The following GRSF1 variants were observed in gnomAD, a reference collection of about 807,000 sequenced individuals.
GRSF1 encodes G-rich RNA sequence binding factor 1.
In GRSF1, 50 loss-of-function variants were observed where a neutral mutation model predicts 51.1. The observed-to-expected ratio is 0.98, with a 90% confidence interval of 0.78 to 1.24. The LOEUF (loss-of-function observed/expected upper bound fraction) is 1.24, where lower values mean the gene tolerates loss of function less well. Ranked by LOEUF, GRSF1 falls within the 50% of genes most tolerant of loss-of-function variation. The pLI, the probability that GRSF1 is intolerant of heterozygous loss-of-function variation, is 0.00. For missense variants in GRSF1, 700 were observed against 639.7 expected, an observed-to-expected ratio of 1.09 and a Z score of -1.02; for synonymous variants, 293 against 253.3, an observed-to-expected ratio of 1.16 and a Z score of -1.49.
rs528606367 is a variant in GRSF1, at chr4:70,819,311, C to T, written c.*1576G>A. On this transcript the variant is annotated 3_prime_UTR_variant, in exon 10 of 10. Coordinates refer to ENST00000254799, the MANE Select transcript of GRSF1 (RefSeq NM_002092.4). ...CTAATAGTTCGTACAACTACAGATA[C>T]CAGTTCTCATAGCTTGGCATATTCA... 1 of 152,294 alleles carries T rather than the reference C, an allele frequency of 6.6e-6. No individual in the cohort carries two copies. The highest frequency in any genetic ancestry group is 1.5e-5 in the Non-Finnish European group (1 of 68,030). The allele number at this position is 152,294 out of a possible 1,614,324, so 9.4% of individuals were successfully genotyped here.
Position 70,817,802 on chromosome 4 carries a change from C to G in GRSF1, c.*3085G>C, listed in dbSNP as rs1428232982. The G allele has an allele frequency of 1.3e-5, 2 of 152,332 alleles. No homozygotes were observed. The highest frequency in any genetic ancestry group is 2.9e-5 in the Non-Finnish European group (2 of 68,024). The allele number at this position is 152,332 out of a possible 1,614,324, so 9.4% of individuals were successfully genotyped here. A position where few individuals can be genotyped will look rare whatever the true frequency, so the allele number is the denominator to read the frequency against. ...GCTGAAAACGAGTCTACACAAAAAC[C>G]TGCACATAAATGTTTATAGCAGCTT... On this transcript the variant is annotated 3_prime_UTR_variant, in exon 10 of 10. Transcript: ENST00000254799.
chr4:70,829,337 A>G (rs776792070), intron 5 of GRSF1, among the ~76,000 whole-genome samples: 3 of 105,286 alleles, frequency 2.8e-5, no homozygotes, highest in South Asian at 4.0e-4. Flanking sequence ...CATCTCTACA[A>G]AAGTTTTTTT....
intron 2 of GRSF1, among the ~76,000 whole-genome samples, chr4:70,835,133 GT>G (rs1441148892): frequency 1.3e-5 from 2 of 151,930 alleles, no homozygotes; most frequent in South Asian, 2.1e-4. Context: ...CTCACTCTTT[GT>G]TATGGCTACG....
rs144985768 is a variant in GRSF1 at position 70,816,430 on chromosome 4, A to T, written c.*4457T>A. The T allele has an allele frequency of 1.3e-4, 19 of 151,958 alleles. No individual in the cohort carries two copies. The highest frequency in any genetic ancestry group is 1.2e-3 in the Admixed American group (19 of 15,236). 9.4% of individuals were successfully genotyped at this position (151,958 alleles called of 1,614,324 possible). A position where few individuals can be genotyped will look rare whatever the true frequency, so the allele number is the denominator to read the frequency against. ...CCTTACTGCAAATCTCCCTCAAAAA[A>T]ACTCCAATGACGGCTGGGTGTGGTG... On this transcript the variant is annotated 3_prime_UTR_variant, in exon 10 of 10. Transcript: ENST00000254799.
rs1373739236 is a variant in GRSF1 at position 70,818,064 on chromosome 4, A to T, written c.*2823T>A. On this transcript the variant is annotated 3_prime_UTR_variant, in exon 10 of 10. Transcript: ENST00000254799. ...ATTTTGGTTTTTTTGATTTTGACAG[A>T]GTCTCACTCTGTTGCCCAGGCTGGA... 2 of 152,158 alleles carry T rather than the reference A, an allele frequency of 1.3e-5. No individual in the cohort carries two copies. The highest frequency in any genetic ancestry group is 2.9e-5 in the Non-Finnish European group (2 of 68,066). The allele number at this position is 152,158 out of a possible 1,614,324, so 9.4% of individuals were successfully genotyped here.
Position 70,823,971 on chromosome 4 carries a change from TCTC to T in GRSF1, c.*25+320_*25+322del, listed in dbSNP as rs1428466390. ...AGCAAATAATTTCCACAGTTGTATC[TCTC>T]TCTTTTTTTTTTTTTTTTTTGAGTC... On this transcript the variant is annotated intron_variant, in intron 9 of 9. Transcript: ENST00000254799. Among the ~76,000 whole-genome samples the T allele has an allele frequency of 1.8e-3, 78 of 43,586 alleles. 1 individual carries two copies. Among genetic ancestry groups the T allele is most frequent in the African/African-American group, 3.7e-3 (76 of 20,696 alleles). The allele number at this position is 43,586 out of a possible 152,430, so 28.6% of individuals were successfully genotyped here. A position where few individuals can be genotyped will look rare whatever the true frequency, so the allele number is the denominator to read the frequency against.
intron 2 of GRSF1, among the ~76,000 whole-genome samples, chr4:70,834,458 G>A (rs1734113372): frequency 6.6e-6 from 1 of 151,984 alleles, no homozygotes; most frequent in Admixed American, 6.6e-5. Context: ...TTTTTGATAT[G>A]TATATATTAA....
chr4:70,836,389 G>A, intron 1 of GRSF1, 75 bp from the exon 2 acceptor site: 5 of 1,093,042 alleles, frequency 4.6e-6, no homozygotes, highest in Non-Finnish European at 5.2e-6. Context: ...CTTAGAAAAT[G>A]TTTATTCTAC....
At chr4:70,838,450 G>T (rs1437373637) in intron 1 of GRSF1, among the ~76,000 whole-genome samples, 1 of 152,058 alleles carries the variant, frequency 6.6e-6, no homozygotes, top group African/African-American at 2.4e-5. Flanking sequence ...ACAGAAAAAG[G>T]CAGCGTAAAG....
At chr4:70,830,490 A>G (rs1466408293) in intron 5 of GRSF1, among the ~76,000 whole-genome samples, 1 of 151,412 alleles carries the variant, frequency 6.6e-6, no homozygotes, top group East Asian at 1.9e-4. Flanking sequence ...AATTATGGAC[A>G]TAACAATCAA....
At chr4:70,833,786 T>G (rs1734081408) in intron 2 of GRSF1, among the ~76,000 whole-genome samples, 1 of 152,180 alleles carries the variant, frequency 6.6e-6, no homozygotes, top group African/African-American at 2.4e-5. Flanking sequence ...CCCAAAGTGC[T>G]GGGATTACAG....
Position 70,832,452 on chromosome 4 carries a change from TACG to T in GRSF1, c.671-5_671-3del. On this transcript the variant is annotated splice_region_variant and splice_polypyrimidine_tract_variant and intron_variant, in intron 3 of 9. Transcript: ENST00000254799. ...CATCTTCATTGTTTATCTCATATAC[TACG>T]AAGAAAAAACCCAACAGGGATGAAA... is the stretch of plus-strand genomic sequence containing the variant. 2 of 1,593,664 alleles carry T rather than the reference TACG, an allele frequency of 1.3e-6. No individual in the cohort carries two copies.
intron 6 of GRSF1, among the ~76,000 whole-genome samples, chr4:70,826,536 GAAAA>G (rs538242968): frequency 7.4e-6 from 1 of 135,112 alleles, no homozygotes. Flanking sequence ...TATAGGCACT[GAAAA>G]AAAAAAAAAA....
chr4:70,827,159 G>A (rs796088799), intron 6 of GRSF1, among the ~76,000 whole-genome samples: 21 of 151,964 alleles, frequency 1.4e-4, no homozygotes, highest in African/African-American at 4.6e-4. Context: ...ACGGTGGCAG[G>A]CGCCTGTAGT....
rs1165445655 is a variant in GRSF1, at chr4:70,832,424, C to A, written c.697G>T (p.Asp233Tyr). 6.2e-7 allele frequency: 1 copy of A among 1,608,614 alleles called. No homozygotes were observed. Among genetic ancestry groups the A allele is most frequent in the Admixed American group, 1.7e-5 (1 of 59,940 alleles). ...EVYEINNEDV[D>Y]ALMKSLQVKS... ...ACCTGCAAGCTCTTCATTAAGGCAT[C>A]CACATCTTCATTGTTTATCTCATAT... The change falls in exon 4 of 10, where the codon GAT becomes TAT. Residue 233 changes from aspartate to tyrosine, a missense_variant. Asp to Tyr is a radical substitution (Grantham distance 160, BLOSUM62 -3). Transcript: ENST00000254799.
At chr4:70,834,814 G>C (rs960761388) in intron 2 of GRSF1, among the ~76,000 whole-genome samples, 10 of 152,052 alleles carry the variant, frequency 6.6e-5, no homozygotes, top group Admixed American at 6.5e-4. Context: ...TAGGAGAGAT[G>C]GGGTTTCAAC....
chr4:70,837,339 C>T (rs761606991), intron 1 of GRSF1, among the ~76,000 whole-genome samples: 3 of 151,782 alleles, frequency 2.0e-5, no homozygotes, highest in Non-Finnish European at 1.5e-5. Context: ...CCGAGGTGGG[C>T]GAATCACGAG....
At chr4:70,825,975 GAAGC>G (rs960111171) in intron 7 of GRSF1, 145 bp downstream of exon 7, 37 of 665,054 alleles carry the variant, frequency 5.6e-5, no homozygotes, top group Non-Finnish European at 5.1e-5. Context: ...TACAGAAAAA[GAAGC>G]AAGCTTTGCA....
intron 9 of GRSF1, among the ~76,000 whole-genome samples, chr4:70,822,053 A>G (rs1223346954): frequency 6.6e-6 from 1 of 152,080 alleles, no homozygotes; most frequent in Non-Finnish European, 1.5e-5. Flanking sequence ...TGACTGCAAT[A>G]CAACAGTAAT....
Sources: gnomAD v4.1 joint callset for allele counts (sites outside exome capture counted in the v4.1 genomes callset) on GRCh38, gnomAD v4.1.1 for gene constraint, MANE v1.5 for transcripts, NCBI Gene and HGNC (gene_info 2026-07-23, HGNC 2026-07-21) for gene names.